The following ENTREP2 variants were observed in gnomAD, a reference collection of about 807,000 sequenced individuals.
The protein encoded by ENTREP2 is endosomal transmembrane epsin interactor 2.
chr15:29,474,471 T>C, the ENTREP2 span, among the ~76,000 whole-genome samples: 1 of 152,066 alleles, frequency 6.6e-6, no homozygotes, highest in Admixed American at 6.5e-5. Context: ...TCCTTCCATC[T>C]CTCCCTGACA....
At chr15:29,319,131 C>G in the ENTREP2 span, among the ~76,000 whole-genome samples, 1 of 152,214 alleles carries the variant, frequency 6.6e-6, no homozygotes. Context: ...CAGGGAGACC[C>G]TCACAACCGC....
the ENTREP2 span, among the ~76,000 whole-genome samples, chr15:29,511,743 C>T: frequency 6.6e-6 from 1 of 150,568 alleles, no homozygotes; most frequent in Non-Finnish European, 1.5e-5. Flanking sequence ...TCTGGTCTTC[C>T]ATCACTTCCA....
chr15:29,201,223 G>C, the ENTREP2 span, among the ~76,000 whole-genome samples: 1 of 152,156 alleles, frequency 6.6e-6, no homozygotes, highest in East Asian at 1.9e-4. Context: ...CACAAACAGA[G>C]TTAGTTATAT....
chr15:29,549,920 G>A, the ENTREP2 span, among the ~76,000 whole-genome samples: 2 of 152,208 alleles, frequency 1.3e-5, no homozygotes, highest in Admixed American at 6.5e-5. Context: ...GAGTCAGAGT[G>A]AGTTGGGGTG....
At chr15:29,124,583 G>A in the ENTREP2 span, 126 of 929,934 alleles carry the variant, frequency 1.4e-4, no homozygotes, top group African/African-American at 2.0e-3. Flanking sequence ...CCCGGGGGTG[G>A]GGTGAGGAGC....
chr15:29,515,306 G>A, the ENTREP2 span, among the ~76,000 whole-genome samples: 2 of 152,134 alleles, frequency 1.3e-5, no homozygotes, highest in African/African-American at 4.8e-5. Context: ...AGGGACCCAG[G>A]AACCAGGAGT....
chr15:29,479,660 C>T, the ENTREP2 span, among the ~76,000 whole-genome samples: 29 of 135,650 alleles, frequency 2.1e-4, no homozygotes, highest in Admixed American at 2.2e-3. Context: ...CTGTCTCACA[C>T]ACACATACAC....
the ENTREP2 span, chr15:29,268,711 C>T: frequency 7.1e-7 from 1 of 1,417,670 alleles, no homozygotes. Flanking sequence ...TCCCTGGGTT[C>T]GTTCTCCCTT....
chr15:29,468,171 G>T, the ENTREP2 span, among the ~76,000 whole-genome samples: 1 of 152,086 alleles, frequency 6.6e-6, no homozygotes, highest in Non-Finnish European at 1.5e-5. Flanking sequence ...AACAGTGATC[G>T]ACTGTAAAGC....
At chr15:29,321,562 T>C in the ENTREP2 span, among the ~76,000 whole-genome samples, 3 of 151,092 alleles carry the variant, frequency 2.0e-5, no homozygotes, top group African/African-American at 7.3e-5. Flanking sequence ...GGCAGGAGAA[T>C]TGCTTGAACC....
At chr15:29,151,828 C>A in the ENTREP2 span, 126 of 1,551,288 alleles carry the variant, frequency 8.1e-5, no homozygotes, top group Admixed American at 2.4e-3. Context: ...GGCACACACG[C>A]TGAAGAGGAG....
At chr15:29,209,721 G>A in the ENTREP2 span, among the ~76,000 whole-genome samples, 1 of 151,966 alleles carries the variant, frequency 6.6e-6, no homozygotes, top group Non-Finnish European at 1.5e-5. Flanking sequence ...GGGAAAAGGT[G>A]GGCTTCTTCC....
At chr15:29,277,215 G>A in the ENTREP2 span, among the ~76,000 whole-genome samples, 1 of 152,012 alleles carries the variant, frequency 6.6e-6, no homozygotes, top group Non-Finnish European at 1.5e-5. Flanking sequence ...CTGGTGGCGG[G>A]TGCCTGTAGT....
chr15:29,129,762 G>T, the ENTREP2 span, among the ~76,000 whole-genome samples: 1 of 152,122 alleles, frequency 6.6e-6, no homozygotes, highest in Admixed American at 6.5e-5. Context: ...CATTCTGCGT[G>T]GGCCATGGTT....
At chr15:29,263,506 C>T in the ENTREP2 span, among the ~76,000 whole-genome samples, 2 of 152,178 alleles carry the variant, frequency 1.3e-5, no homozygotes, top group Non-Finnish European at 2.9e-5. Context: ...GGAAGCTAAG[C>T]GCACCCATGT....
the ENTREP2 span, among the ~76,000 whole-genome samples, chr15:29,380,117 G>A: frequency 6.6e-6 from 1 of 152,164 alleles, no homozygotes; most frequent in Non-Finnish European, 1.5e-5. Context: ...CCAGATGTTG[G>A]CATCTGTTGA....
the ENTREP2 span, among the ~76,000 whole-genome samples, chr15:29,128,328 C>A: frequency 6.6e-6 from 1 of 152,152 alleles, no homozygotes; most frequent in Non-Finnish European, 1.5e-5. Context: ...CCCTTGCACA[C>A]GTGTCCTTCA....
the ENTREP2 span, among the ~76,000 whole-genome samples, chr15:29,249,007 A>G: frequency 3.3e-5 from 5 of 152,264 alleles, no homozygotes; most frequent in African/African-American, 1.2e-4. Flanking sequence ...GTCACTACCA[A>G]TAAAGTTGTA....
At chr15:29,586,743 T>A in the ENTREP2 span, among the ~76,000 whole-genome samples, 1 of 149,364 alleles carries the variant, frequency 6.7e-6, no homozygotes, top group Non-Finnish European at 1.5e-5. Flanking sequence ...AGCAAGATAC[T>A]GTCTCAAAAA....
Sources: gnomAD v4.1 joint callset for allele counts (sites outside exome capture counted in the v4.1 genomes callset) on GRCh38, gnomAD v4.1.1 for gene constraint, MANE v1.5 for transcripts, NCBI Gene and HGNC (gene_info 2026-07-23, HGNC 2026-07-21) for gene names.